PEBP4: variants seen among roughly 807,000 people sequenced by gnomAD.
PEBP4 encodes the protein phosphatidylethanolamine binding protein 4.
PEBP4 carries 22 observed loss-of-function variants against 23.9 expected under a neutral mutation model. That is an observed-to-expected ratio of 0.92 (90% CI 0.66 to 1.31). The LOEUF (loss-of-function observed/expected upper bound fraction) is 1.31, where lower values mean the gene tolerates loss of function less well. PEBP4 is among the 40% of genes most tolerant of loss of function. The probability of loss-of-function intolerance (pLI) is 0.00; values close to 1 mark genes in which losing one functional copy is unlikely to be tolerated. For missense variants in PEBP4, 324 were observed against 281.7 expected (o/e 1.15, Z -1.07); for synonymous variants, 112 against 99.3 (o/e 1.13, Z -0.76).
chr8:22,809,701 T>C (rs1241027965), intron 4 of PEBP4, among the ~76,000 whole-genome samples: 1 of 152,204 alleles, frequency 6.6e-6, no homozygotes, highest in African/African-American at 2.4e-5. Flanking sequence ...ACTTGCCAAG[T>C]GCATCAATGA....
intron 3 of PEBP4, among the ~76,000 whole-genome samples, chr8:22,903,825 C>T (rs370809657): frequency 4.8e-4 from 73 of 152,248 alleles, no homozygotes; most frequent in African/African-American, 1.7e-3. Context: ...TGGTACCCAG[C>T]CTCTCCGCTT....
intron 3 of PEBP4, among the ~76,000 whole-genome samples, chr8:22,911,024 A>G (rs953905487): frequency 1.3e-5 from 2 of 151,846 alleles, no homozygotes; most frequent in African/African-American, 2.4e-5. Flanking sequence ...AGGGTAGGGG[A>G]GGCTGTGCCT....
chr8:22,765,180 G>A lies in PEBP4; in HGVS notation c.358-37960C>T, dbSNP rs563097406. Among the ~76,000 whole-genome samples, 7 of 147,166 alleles carry A rather than the reference G, an allele frequency of 4.8e-5. No individual in the cohort carries two copies. In the East Asian group the frequency reaches 1.2e-3, roughly 26 times the overall value. On this transcript the variant is annotated intron_variant, in intron 4 of 6. Transcript: ENST00000256404. ...TTCTTCTGAGACAGCATCTTGATGC[G>A]ACGTCCAGGTAGGAGAGCAATGGTG...
chr8:22,856,452 C>A (rs1373734718), intron 3 of PEBP4, among the ~76,000 whole-genome samples: 1 of 152,158 alleles, frequency 6.6e-6, no homozygotes, highest in Non-Finnish European at 1.5e-5. Context: ...AGAGGTGGCT[C>A]ACACCTGTAA....
At chr8:22,833,843 G>C (rs553618382) in intron 3 of PEBP4, among the ~76,000 whole-genome samples, 1 of 152,188 alleles carries the variant, frequency 6.6e-6, no homozygotes. Context: ...GTCTGGAGTG[G>C]GGCCCAGGTG....
At chr8:22,919,241 C>T (rs554078832) in intron 3 of PEBP4, among the ~76,000 whole-genome samples, 6 of 152,292 alleles carry the variant, frequency 3.9e-5, no homozygotes, top group Admixed American at 2.6e-4. Context: ...TGGCCCTTCC[C>T]TGCCACCCTG....
chr8:22,728,230 C>T (rs1344627238), intron 4 of PEBP4, among the ~76,000 whole-genome samples: 1 of 152,140 alleles, frequency 6.6e-6, no homozygotes. Context: ...GATCCAATCC[C>T]CTAGCTTGAG....
chr8:22,760,051 T>C (rs1805475741), intron 4 of PEBP4, among the ~76,000 whole-genome samples: 1 of 152,222 alleles, frequency 6.6e-6, no homozygotes, highest in East Asian at 1.9e-4. Flanking sequence ...GGCATTTTGA[T>C]TGTGCTCTTA....
At chr8:22,762,733 C>T (rs1020707211) in intron 4 of PEBP4, among the ~76,000 whole-genome samples, 1 of 152,170 alleles carries the variant, frequency 6.6e-6, no homozygotes, top group African/African-American at 2.4e-5. Flanking sequence ...CTTTCCCTCC[C>T]CACTCCAATC....
intron 1 of PEBP4, among the ~76,000 whole-genome samples, chr8:22,940,167 A>G (rs1170332841): frequency 5.9e-5 from 9 of 152,198 alleles, no homozygotes; most frequent in Admixed American, 3.3e-4. Context: ...GGTTCCCCCT[A>G]TATTTCTCAG....
chr8:22,841,619 G>A (rs1807330821), intron 3 of PEBP4, among the ~76,000 whole-genome samples: 1 of 152,252 alleles, frequency 6.6e-6, no homozygotes, highest in Admixed American at 6.5e-5. Flanking sequence ...CCCTCTGCAT[G>A]TGCAAATGCC....
At chr8:22,917,130 G>A (rs1237618672) in intron 3 of PEBP4, among the ~76,000 whole-genome samples, 4 of 47,894 alleles carry the variant, frequency 8.4e-5, no homozygotes, top group Non-Finnish European at 1.6e-4. Context: ...GGCGGGGGAG[G>A]GGGGGGTGTT....
intron 6 of PEBP4, among the ~76,000 whole-genome samples, chr8:22,722,758 T>C (rs10102307): frequency 6.6e-6 from 1 of 151,282 alleles, no homozygotes; most frequent in African/African-American, 2.4e-5. Context: ...GGGGCTTTCA[T>C]CTGGGAGGGC....
At chr8:22,763,295 G>A (rs1805547420) in intron 4 of PEBP4, among the ~76,000 whole-genome samples, 1 of 152,174 alleles carries the variant, frequency 6.6e-6, no homozygotes. Flanking sequence ...GTGAGCCACT[G>A]TTGCCCGCCG....
intron 3 of PEBP4, among the ~76,000 whole-genome samples, chr8:22,853,280 G>A (rs1807583175): frequency 6.6e-6 from 1 of 152,098 alleles, no homozygotes; most frequent in Non-Finnish European, 1.5e-5. Context: ...TCCTCCTGTG[G>A]GGACCAGTGA....
intron 4 of PEBP4, among the ~76,000 whole-genome samples, chr8:22,797,303 G>A (rs914177630): frequency 3.3e-5 from 5 of 149,400 alleles, no homozygotes; most frequent in African/African-American, 9.8e-5. Context: ...AACCCAAATC[G>A]GAATATCTGA....
chr8:22,935,290 G>A (rs890069169), intron 1 of PEBP4, among the ~76,000 whole-genome samples: 1 of 152,024 alleles, frequency 6.6e-6, no homozygotes, highest in Admixed American at 6.6e-5. Context: ...GGAAGCCGAG[G>A]TGGGTGGATC....
chr8:22,827,403 C>T (rs896041303), intron 3 of PEBP4, among the ~76,000 whole-genome samples: 1 of 152,178 alleles, frequency 6.6e-6, no homozygotes, highest in Non-Finnish European at 1.5e-5. Context: ...TTATTCCCCC[C>T]GCCAGTTCCA....
chr8:22,939,644 A>G (rs2128783748), intron 1 of PEBP4, among the ~76,000 whole-genome samples: 1 of 151,484 alleles, frequency 6.6e-6, no homozygotes, highest in South Asian at 2.1e-4. Flanking sequence ...CTTTCCTTCT[A>G]CCAAGCAGAA....
Sources: gnomAD v4.1 joint callset for allele counts (sites outside exome capture counted in the v4.1 genomes callset) on GRCh38, gnomAD v4.1.1 for gene constraint, MANE v1.5 for transcripts, NCBI Gene and HGNC (gene_info 2026-07-23, HGNC 2026-07-21) for gene names.